Variants in EYS observed in about 807,000 individuals in gnomAD.
The protein encoded by EYS is protein eyes shut homolog.
Under a neutral mutation model 282.1 loss-of-function variants are expected in EYS, and 250 were observed. The observed-to-expected ratio is 0.89, with a 90% CI of 0.80 to 0.98. The LOEUF is 0.98. Among genes scored for constraint, EYS ranks in the 50% least tolerant of loss-of-function variants. EYS has a pLI of 0.00. For missense variants in EYS, 4,016 were observed against 3,709.0 expected, an observed-to-expected ratio of 1.08 and a Z score of -2.15; for synonymous variants, 1,355 against 1,282.9, an observed-to-expected ratio of 1.06 and a Z score of -1.20.
At chr6:65,246,911 T>C (rs1767194864) in intron 12 of EYS, among the ~76,000 whole-genome samples, 1 of 151,988 alleles carries the variant, frequency 6.6e-6, no homozygotes. Context: ...GTAACAAACA[T>C]AAGGCTAAAT....
At chr6:63,970,281 G>A (rs184833749) in intron 35 of EYS, among the ~76,000 whole-genome samples, 5 of 152,250 alleles carry the variant, frequency 3.3e-5, no homozygotes, top group South Asian at 2.1e-4. Flanking sequence ...TGAGCAAGGC[G>A]TCCTGTGCTG....
At chr6:65,510,614 T>G (rs1286454692) in intron 2 of EYS, among the ~76,000 whole-genome samples, 2 of 152,210 alleles carry the variant, frequency 1.3e-5, no homozygotes, top group Non-Finnish European at 2.9e-5. Flanking sequence ...GTTTTTTTGA[T>G]GTAAAAGTCC....
At chr6:65,061,661 C>T (rs72877884) in intron 12 of EYS, among the ~76,000 whole-genome samples, 1 of 151,960 alleles carries the variant, frequency 6.6e-6, no homozygotes, top group Non-Finnish European at 1.5e-5. Flanking sequence ...CATACACACA[C>T]ACACATATAC....
intron 28 of EYS, among the ~76,000 whole-genome samples, chr6:64,410,765 A>G (rs1773863200): frequency 6.6e-6 from 1 of 152,144 alleles, no homozygotes; most frequent in South Asian, 2.1e-4. Context: ...GAAATATTAC[A>G]TGGTCACCCT....
At chr6:64,203,204 T>A (rs926601154) in intron 31 of EYS, among the ~76,000 whole-genome samples, 6 of 152,126 alleles carry the variant, frequency 3.9e-5, no homozygotes, top group African/African-American at 1.4e-4. Context: ...AGGGTAGCAA[T>A]CCATGACTGG....
At position 65,495,452 on chromosome 6, in the gene EYS, T is replaced by A; in HGVS notation, c.-42A>T. 6.3e-7 allele frequency: 1 copy of A among 1,595,214 alleles called. No individual in the cohort carries two copies. The highest frequency in any genetic ancestry group is 8.5e-7 in the Non-Finnish European group (1 of 1,174,432). On this transcript the variant is annotated 5_prime_UTR_variant, in exon 4 of 43. Coordinates refer to ENST00000503581, the MANE Select transcript of EYS (RefSeq NM_001142800.2). ...TTTACAGTTTATCATAAAGAATTGC[T>A]GCAAAATGGTGTTTTAAGTATTACC... is the stretch of plus-strand genomic sequence containing the variant.
intron 35 of EYS, among the ~76,000 whole-genome samples, chr6:63,971,877 T>G (rs989775918): frequency 1.3e-5 from 2 of 152,196 alleles, no homozygotes; most frequent in African/African-American, 4.8e-5. Context: ...ATCACATATC[T>G]TAAAGCACAT....
chr6:64,635,149 C>A (rs937716679), intron 22 of EYS, among the ~76,000 whole-genome samples: 11 of 152,098 alleles, frequency 7.2e-5, no homozygotes, highest in Non-Finnish European at 1.5e-4. Flanking sequence ...TATAAGAATG[C>A]TGGTGATTTT....
chr6:65,563,434 T>G lies in EYS; in HGVS notation c.-332-67441A>C, dbSNP rs551266157. ...TTTTTTATTTTTGTTAATTTAATAT[T>G]CAGCTACATTTTCATGTATGATCAA... On this transcript the variant is annotated intron_variant, in intron 2 of 42. Transcript: ENST00000503581. Among the ~76,000 whole-genome samples the G allele has an allele frequency of 5.3e-5, 8 of 152,224 alleles. No homozygotes were observed. The East Asian group carries it at 1.5e-3, about 29-fold the overall frequency.
intron 2 of EYS, among the ~76,000 whole-genome samples, chr6:65,500,500 GTATGGTGGGAT>G (rs968904609): frequency 1.3e-5 from 2 of 151,890 alleles, no homozygotes; most frequent in South Asian, 4.1e-4. Flanking sequence ...GATTTGAGTG[GTATGGTGGGAT>G]TATGGGAGAG....
intron 36 of EYS, among the ~76,000 whole-genome samples, chr6:63,853,484 G>A (rs1420736666): frequency 1.3e-5 from 2 of 152,164 alleles, no homozygotes; most frequent in African/African-American, 4.8e-5. Context: ...AAATAAGAGA[G>A]GACACAGACA....
At chr6:65,412,194 T>A (rs982265558) in intron 5 of EYS, among the ~76,000 whole-genome samples, 3 of 152,116 alleles carry the variant, frequency 2.0e-5, no homozygotes, top group Non-Finnish European at 4.4e-5. Context: ...TCTGAGACCT[T>A]GATCTCTATT....
chr6:64,138,700 T>G (rs887418794), intron 31 of EYS, among the ~76,000 whole-genome samples: 2 of 152,188 alleles, frequency 1.3e-5, no homozygotes, highest in African/African-American at 4.8e-5. Context: ...ATCCTCATAA[T>G]TGTGCTGTTT....
intron 31 of EYS, among the ~76,000 whole-genome samples, chr6:64,177,016 AATG>A (rs1015868381): frequency 1.4e-5 from 2 of 138,966 alleles, no homozygotes; most frequent in African/African-American, 5.3e-5. Flanking sequence ...TGTTGCTATC[AATG>A]ATATTTTAAT....
At chr6:65,438,700 G>A (rs1384500590) in intron 5 of EYS, among the ~76,000 whole-genome samples, 3 of 151,780 alleles carry the variant, frequency 2.0e-5, no homozygotes, top group Non-Finnish European at 2.9e-5. Context: ...CTTTTTGATG[G>A]GGTTGTTTTT....
At chr6:64,628,799 G>C (rs554459261) in intron 22 of EYS, among the ~76,000 whole-genome samples, 2 of 152,236 alleles carry the variant, frequency 1.3e-5, no homozygotes, top group Admixed American at 6.5e-5. Context: ...AAAGGGGATA[G>C]TTTAAAAAAT....
intron 11 of EYS, chr6:65,329,855 T>C (rs1055890657): frequency 1.0e-6 from 1 of 981,932 alleles, no homozygotes; most frequent in Non-Finnish European, 1.2e-6. Flanking sequence ...TCTACAGAAA[T>C]AGTTTTTGAA....
At chr6:64,125,668 C>T (rs914993666) in intron 31 of EYS, among the ~76,000 whole-genome samples, 8 of 151,504 alleles carry the variant, frequency 5.3e-5, no homozygotes, top group African/African-American at 1.5e-4. Flanking sequence ...CACCTGTAGT[C>T]CCAGCTACTC....
At position 63,978,461 on chromosome 6, in the gene EYS, G is replaced by A. The variant is rs143732506; in HGVS notation, c.7055+5922C>T. On this transcript the variant is annotated intron_variant, in intron 35 of 42. Transcript: ENST00000503581. The stretch of plus-strand genomic sequence containing the variant: ...AGACAGAAAGTGTAGCAGTTAAGAA[G>A]AAGGGTTAAATATTTGAAAATGTCA... 1.5e-3 allele frequency among the ~76,000 whole-genome samples: 224 copies of A among 152,092 alleles called. 1 individual carries two copies. The highest frequency in any genetic ancestry group is 5.3e-3 in the African/African-American group (219 of 41,540).
Sources: gnomAD v4.1 joint callset for allele counts (sites outside exome capture counted in the v4.1 genomes callset) on GRCh38, gnomAD v4.1.1 for gene constraint, MANE v1.5 for transcripts, NCBI Gene and HGNC (gene_info 2026-07-23, HGNC 2026-07-21) for gene names.